DEPDC1B: variants seen among roughly 807,000 people sequenced by gnomAD.
DEPDC1B encodes DEP domain-containing protein 1B.
A neutral mutation model predicts 66.5 loss-of-function variants in DEPDC1B; 51 were observed. That is an observed-to-expected ratio of 0.77 (90% CI 0.61 to 0.97). The LOEUF is 0.97. Ranked by LOEUF, DEPDC1B falls within the 50% of genes least tolerant of loss-of-function variation. The pLI, the probability that DEPDC1B is intolerant of heterozygous loss-of-function variation, is 0.00. For synonymous variants in DEPDC1B, 226 were observed against 223.6 expected, an observed-to-expected ratio of 1.01 and a Z score of -0.10; for missense variants, 552 against 637.1, an observed-to-expected ratio of 0.87 and a Z score of 1.44.
At chr5:60,613,828 G>GTATA (rs145523827) in intron 7 of DEPDC1B, among the ~76,000 whole-genome samples, 7,368 of 144,420 alleles carry the variant, frequency 0.051, 237 homozygotes, top group Non-Finnish European at 0.075. Flanking sequence ...GTGTGTGTGT[G>GTATA]TATACATAAA....
At chr5:60,658,901 G>C (rs1188350107) in intron 2 of DEPDC1B, among the ~76,000 whole-genome samples, 1 of 152,200 alleles carries the variant, frequency 6.6e-6, no homozygotes, top group East Asian at 1.9e-4. Context: ...CACTGTCGCA[G>C]ACCGGCCACT....
chr5:60,614,894 G>A (rs1342525722), intron 7 of DEPDC1B, among the ~76,000 whole-genome samples: 1 of 152,170 alleles, frequency 6.6e-6, no homozygotes, highest in Admixed American at 6.5e-5. Context: ...AGGAGGCAGA[G>A]ACAGGAGAAT....
intron 7 of DEPDC1B, among the ~76,000 whole-genome samples, chr5:60,634,462 G>A (rs1040916004): frequency 6.6e-6 from 1 of 152,006 alleles, no homozygotes; most frequent in Non-Finnish European, 1.5e-5. Flanking sequence ...CACGAGATTA[G>A]GAGATCGAGA....
intron 6 of DEPDC1B, 101 bp from the exon 7 acceptor site, chr5:60,638,991 T>C: frequency 1.4e-6 from 2 of 1,392,040 alleles, no homozygotes. Flanking sequence ...ATTCAGATAT[T>C]TGACATATAC....
chr5:60,676,503 C>CT (rs1561388586), intron 2 of DEPDC1B, among the ~76,000 whole-genome samples: 2 of 152,198 alleles, frequency 1.3e-5, no homozygotes, highest in Non-Finnish European at 2.9e-5. Context: ...TAAAACCCTA[C>CT]TCCATAGTCA....
Position 60,645,489 on chromosome 5 carries a change from TAC to T in DEPDC1B, c.578+1_578+2del, listed in dbSNP as rs1229550422. 1.1e-5 allele frequency: 17 copies of T among 1,605,136 alleles called. 1 individual carries two copies. Among genetic ancestry groups the T allele is most frequent in the Admixed American group, 5.2e-5 (3 of 57,840 alleles). ...ATTTCTCATTAATATCAAATGTACA[TAC>T]TATGATAATGTCATAGACTTCCATA... On this transcript the variant is annotated splice_donor_variant, in intron 4 of 10. Transcript: ENST00000265036. LOFTEE classifies it high-confidence loss of function.
chr5:60,666,656 C>T (rs1403656417), intron 2 of DEPDC1B, among the ~76,000 whole-genome samples: 2 of 152,154 alleles, frequency 1.3e-5, no homozygotes, highest in African/African-American at 4.8e-5. Flanking sequence ...CCAGCATCTG[C>T]TCAGGTGAGG....
At chr5:60,613,992 T>C (rs1752480368) in intron 7 of DEPDC1B, among the ~76,000 whole-genome samples, 2 of 152,184 alleles carry the variant, frequency 1.3e-5, no homozygotes, top group African/African-American at 4.8e-5. Context: ...TATGTTGTAC[T>C]TTCAGTTTTC....
At chr5:60,636,794 C>T (rs1339947384) in intron 7 of DEPDC1B, among the ~76,000 whole-genome samples, 1 of 152,134 alleles carries the variant, frequency 6.6e-6, no homozygotes, top group Non-Finnish European at 1.5e-5. Flanking sequence ...TATTACCATC[C>T]ATATGCATTA....
intron 1 of DEPDC1B, among the ~76,000 whole-genome samples, chr5:60,699,318 A>G (rs1323598641): frequency 1.3e-5 from 1 of 77,816 alleles, no homozygotes; most frequent in Non-Finnish European, 2.9e-5. Flanking sequence ...TGTCCTCCCA[A>G]ATTACCATTA....
chr5:60,617,291 T>C (rs1297711988), intron 7 of DEPDC1B, among the ~76,000 whole-genome samples: 1 of 152,198 alleles, frequency 6.6e-6, no homozygotes, highest in Non-Finnish European at 1.5e-5. Context: ...GTAACAATAT[T>C]AACCTTAAAT....
intron 7 of DEPDC1B, chr5:60,628,147 T>A (rs186549536): frequency 6.6e-6 from 1 of 152,374 alleles, no homozygotes; most frequent in East Asian, 1.9e-4. Flanking sequence ...ACTGTTCCTA[T>A]GATACACATA....
intron 7 of DEPDC1B, among the ~76,000 whole-genome samples, chr5:60,636,307 CT>C (rs1753042861): frequency 6.6e-6 from 1 of 152,124 alleles, no homozygotes; most frequent in Non-Finnish European, 1.5e-5. Context: ...TTTAAAGAAT[CT>C]TTAGATGTCC....
intron 2 of DEPDC1B, among the ~76,000 whole-genome samples, chr5:60,660,100 A>C (rs1753673314): frequency 6.6e-6 from 1 of 152,140 alleles, no homozygotes; most frequent in African/African-American, 2.4e-5. Context: ...GGCAACAAGC[A>C]AACGTCCTTC....
At chr5:60,677,324 A>ACTCTCTCTCTCTCTCT (rs753946184) in intron 2 of DEPDC1B, among the ~76,000 whole-genome samples, 13 of 78,838 alleles carry the variant, frequency 1.6e-4, no homozygotes, top group African/African-American at 8.0e-4. Context: ...ACACACACAC[A>ACTCTCTCTCTCTCTCT]CACTCTCTCT....
chr5:60,661,457 A>G (rs1000364138), intron 2 of DEPDC1B, among the ~76,000 whole-genome samples: 1 of 152,188 alleles, frequency 6.6e-6, no homozygotes, highest in African/African-American at 2.4e-5. Flanking sequence ...CTTTTTTCAG[A>G]CGGGAAACGT....
intron 1 of DEPDC1B, among the ~76,000 whole-genome samples, chr5:60,695,193 C>T (rs560093894): frequency 6.6e-6 from 1 of 152,122 alleles, no homozygotes; most frequent in Admixed American, 6.5e-5. Flanking sequence ...TAAAGAAATA[C>T]CTGACACTGG....
At position 60,603,478 on chromosome 5, in the gene DEPDC1B, C is replaced by T; in HGVS notation, c.1155G>A (p.Leu385=). 4 of 1,613,110 alleles carry T rather than the reference C, an allele frequency of 2.5e-6. No homozygotes were observed. The South Asian group carries it at 4.4e-5, about 18-fold the overall frequency. Residue 385 remains leucine, a synonymous_variant, in exon 9 of 11, where the codon CTG becomes CTA. Transcript: ENST00000265036. ...ELLAARLVTF[L]MDNYQEILKV... ...TCAGAATTTCCTGGTAATTGTCCAT[C>T]AGAAACGTTACCAATCTAGCAGCTA...
intron 2 of DEPDC1B, among the ~76,000 whole-genome samples, chr5:60,649,172 T>C (rs1278949886): frequency 6.6e-6 from 1 of 152,200 alleles, no homozygotes; most frequent in Non-Finnish European, 1.5e-5. Flanking sequence ...ATGTGTCTTT[T>C]GGAAAGTATA....
Sources: gnomAD v4.1 joint callset for allele counts (sites outside exome capture counted in the v4.1 genomes callset) on GRCh38, gnomAD v4.1.1 for gene constraint, MANE v1.5 for transcripts, NCBI Gene and HGNC (gene_info 2026-07-23, HGNC 2026-07-21) for gene names.